PIAS2: variants seen among roughly 807,000 people sequenced by gnomAD.
The protein encoded by PIAS2 is E3 SUMO-protein ligase PIAS2.
A neutral mutation model predicts 69.7 loss-of-function variants in PIAS2; 19 were observed. The ratio of observed to expected loss-of-function variants is 0.27; its 90% CI spans 0.19 to 0.40. The LOEUF is 0.40. Ranked by LOEUF, PIAS2 falls within the 10% of genes least tolerant of loss-of-function variation. PIAS2 has a pLI of 1.00. For missense variants in PIAS2, 624 were observed against 757.0 expected (o/e 0.82, Z 2.06); for synonymous variants, 261 against 263.2 (o/e 0.99, Z 0.08).
chr18:46,820,206 A>C (rs1282391529), intron 12 of PIAS2, among the ~76,000 whole-genome samples: 1 of 152,152 alleles, frequency 6.6e-6, no homozygotes, highest in East Asian at 1.9e-4. Flanking sequence ...CTTCTGTTCA[A>C]GTAACCGTTA....
chr18:46,855,024 C>T (rs1893427), intron 5 of PIAS2, among the ~76,000 whole-genome samples: 79,380 of 149,856 alleles, frequency 0.53, 21,171 homozygotes, highest in Middle Eastern at 0.58. Context: ...CCCCACTACT[C>T]AGGAGGCTGA....
intron 2 of PIAS2, among the ~76,000 whole-genome samples, chr18:46,887,078 C>T (rs981224968): frequency 6.6e-6 from 1 of 152,144 alleles, no homozygotes; most frequent in East Asian, 1.9e-4. Flanking sequence ...GAGTCTAAAA[C>T]GTTCTTTTTA....
intron 2 of PIAS2, among the ~76,000 whole-genome samples, chr18:46,882,410 C>T (rs2052420401): frequency 6.6e-6 from 1 of 152,132 alleles, no homozygotes; most frequent in South Asian, 2.1e-4. Context: ...CCTCCACACA[C>T]ACAAATGGAC....
chr18:46,836,325 T>C, intron 9 of PIAS2, 32 bp downstream of exon 9: 1 of 1,562,526 alleles, frequency 6.4e-7, no homozygotes, highest in Non-Finnish European at 8.8e-7. Context: ...GTTGTATTAG[T>C]CCATATCAGC....
At chr18:46,818,929 C>A (rs1232872362) in intron 12 of PIAS2, among the ~76,000 whole-genome samples, 1 of 152,050 alleles carries the variant, frequency 6.6e-6, no homozygotes, top group Admixed American at 6.6e-5. Flanking sequence ...TATTTTACTG[C>A]ATTTTTCTCA....
intron 1 of PIAS2, among the ~76,000 whole-genome samples, chr18:46,897,679 C>A (rs1317514331): frequency 6.6e-6 from 1 of 152,050 alleles, no homozygotes; most frequent in African/African-American, 2.4e-5. Context: ...CTATTCATTC[C>A]TGATGAAATC....
intron 12 of PIAS2, chr18:46,818,310 T>C: frequency 7.0e-7 from 1 of 1,422,864 alleles, no homozygotes; most frequent in South Asian, 1.7e-5. Context: ...AATAAGGCAG[T>C]CATATTTTTC....
intron 1 of PIAS2, among the ~76,000 whole-genome samples, chr18:46,912,399 TACTG>T (rs1244367313): frequency 6.6e-6 from 1 of 152,198 alleles, no homozygotes; most frequent in Non-Finnish European, 1.5e-5. Flanking sequence ...GTTTAGGAAA[TACTG>T]ACAAGGAAAA....
chr18:46,869,594 GAAAT>G (rs2050017739), intron 2 of PIAS2, among the ~76,000 whole-genome samples: 2 of 152,186 alleles, frequency 1.3e-5, no homozygotes, highest in African/African-American at 4.8e-5. Flanking sequence ...CGTAAGACAG[GAAAT>G]GAAAGATATA....
intron 10 of PIAS2, among the ~76,000 whole-genome samples, chr18:46,829,216 G>A (rs938773169): frequency 5.9e-5 from 9 of 152,268 alleles, no homozygotes; most frequent in Admixed American, 1.3e-4. Flanking sequence ...GATGGATGCA[G>A]GCAGTTGATG....
At chr18:46,868,496 CT>C (rs1568616711) in intron 2 of PIAS2, among the ~76,000 whole-genome samples, 1 of 152,176 alleles carries the variant, frequency 6.6e-6, no homozygotes, top group Non-Finnish European at 1.5e-5. Context: ...CAGCCTCTCC[CT>C]TTCCGCCTAA....
intron 13 of PIAS2, among the ~76,000 whole-genome samples, chr18:46,813,342 T>C (rs116601180): frequency 6.6e-6 from 1 of 152,286 alleles, no homozygotes; most frequent in Non-Finnish European, 1.5e-5. Flanking sequence ...CTTACAATCC[T>C]GGTTACTGAT....
intron 12 of PIAS2, 24 bp from the exon 13 acceptor site, chr18:46,815,373 T>C: frequency 6.2e-7 from 1 of 1,609,688 alleles, no homozygotes; most frequent in Non-Finnish European, 8.5e-7. Flanking sequence ...GCTTTGTTAA[T>C]AGTTGTCTCA....
chr18:46,901,887 C>CGA (rs1288790245), intron 1 of PIAS2, among the ~76,000 whole-genome samples: 1 of 152,126 alleles, frequency 6.6e-6, no homozygotes, highest in Admixed American at 6.5e-5. Context: ...CCTACTATCA[C>CGA]CCCTCATTCA....
At chr18:46,854,045 G>T (rs1226978447) in intron 5 of PIAS2, among the ~76,000 whole-genome samples, 1 of 152,150 alleles carries the variant, frequency 6.6e-6, no homozygotes, top group Non-Finnish European at 1.5e-5. Flanking sequence ...CCCTTTAAAG[G>T]TTCACAAAAC....
At chr18:46,815,260 G>A (rs1305155100) in intron 13 of PIAS2, 52 bp downstream of exon 13, 2 of 1,480,182 alleles carry the variant, frequency 1.4e-6, no homozygotes, top group Non-Finnish European at 1.9e-6. Context: ...TAGTTAGTAT[G>A]ACATAACCAA....
At chr18:46,884,371 G>A (rs928758700) in intron 2 of PIAS2, among the ~76,000 whole-genome samples, 1 of 151,582 alleles carries the variant, frequency 6.6e-6, no homozygotes, top group Non-Finnish European at 1.5e-5. Context: ...AGAGTGCAGT[G>A]GCTCGATCTA....
chr18:46,867,513 T>C (rs1568612207), intron 2 of PIAS2, among the ~76,000 whole-genome samples: 1 of 152,234 alleles, frequency 6.6e-6, no homozygotes, highest in Non-Finnish European at 1.5e-5. Context: ...TTTTGCAGTT[T>C]ATTTTCTCCC....
intron 3 of PIAS2, among the ~76,000 whole-genome samples, chr18:46,857,130 TCTC>T (rs920519833): frequency 2.0e-5 from 3 of 152,350 alleles, no homozygotes; most frequent in Admixed American, 1.3e-4. Context: ...CTCCCACTGT[TCTC>T]CTTACCAAGA....
Sources: gnomAD v4.1 joint callset for allele counts (sites outside exome capture counted in the v4.1 genomes callset) on GRCh38, gnomAD v4.1.1 for gene constraint, MANE v1.5 for transcripts, NCBI Gene and HGNC (gene_info 2026-07-23, HGNC 2026-07-21) for gene names.